Variants in SEL1L2 observed in about 807,000 individuals in gnomAD.
SEL1L2 encodes the protein protein sel-1 homolog 2.
In SEL1L2, 89 loss-of-function variants were observed where a neutral mutation model predicts 98.8. The observed-to-expected ratio is 0.90, with a 90% CI of 0.76 to 1.07. The LOEUF (loss-of-function observed/expected upper bound fraction) is 1.07, where lower values mean the gene tolerates loss of function less well. Ranked by LOEUF, SEL1L2 falls within the 50% of genes least tolerant of loss-of-function variation. The pLI is 0.00. For synonymous variants in SEL1L2, 262 were observed against 278.5 expected, an observed-to-expected ratio of 0.94 and a Z score of 0.59; for missense variants, 788 against 812.0, an observed-to-expected ratio of 0.97 and a Z score of 0.36.
At chr20:13,918,771 G>T (rs1281225843) in intron 4 of SEL1L2, among the ~76,000 whole-genome samples, 1 of 152,146 alleles carries the variant, frequency 6.6e-6, no homozygotes, top group Non-Finnish European at 1.5e-5. Context: ...TGAATGCTCA[G>T]GTCAGTGTCT....
chr20:13,984,480 C>T lies in SEL1L2; in HGVS notation c.58+5997G>A, dbSNP rs535914685. 3.3e-5 allele frequency among the ~76,000 whole-genome samples: 5 copies of T among 152,300 alleles called. No individual in the cohort carries two copies. The East Asian group carries it at 5.8e-4, about 18-fold the overall frequency. The stretch of plus-strand genomic sequence containing the variant: ...TTAGTACTCTCTCACCTTGGACTTC[C>T]GTGATAATCTCTTTAGCCTTGATAT... On this transcript the variant is annotated intron_variant, in intron 1 of 19. Coordinates refer to ENST00000284951, the MANE Select transcript of SEL1L2 (RefSeq NM_025229.2).
chr20:13,880,222 T>C (rs140581186), intron 10 of SEL1L2, among the ~76,000 whole-genome samples: 10 of 152,354 alleles, frequency 6.6e-5, no homozygotes, highest in African/African-American at 9.6e-5. Context: ...TTTAGTAATT[T>C]GGCTCTCAAA....
upstream of SEL1L2, among the ~76,000 whole-genome samples, chr20:13,992,269 T>G (rs979382722): frequency 1.9e-4 from 29 of 152,130 alleles, no homozygotes; most frequent in African/African-American, 7.0e-4. Flanking sequence ...TTTGGGAGGC[T>G]GAGGCAGGTG....
At chr20:13,866,378 C>T (rs553433639) in intron 15 of SEL1L2, among the ~76,000 whole-genome samples, 1 of 152,178 alleles carries the variant, frequency 6.6e-6, no homozygotes, top group Non-Finnish European at 1.5e-5. Flanking sequence ...AGTAGCAACT[C>T]CCAATCCCAC....
chr20:13,932,637 A>ACCG (rs1490073129), intron 2 of SEL1L2, among the ~76,000 whole-genome samples: 1 of 151,840 alleles, frequency 6.6e-6, no homozygotes, highest in Non-Finnish European at 1.5e-5. Flanking sequence ...CACCATGTTG[A>ACCG]CCAGGCTGTT....
intron 2 of SEL1L2, among the ~76,000 whole-genome samples, chr20:13,941,477 TG>T (rs1706614566): frequency 6.6e-6 from 1 of 152,200 alleles, no homozygotes; most frequent in East Asian, 1.9e-4. Flanking sequence ...TTTCAAGTGA[TG>T]AGTGGCACAG....
chr20:13,865,611 G>C lies in SEL1L2; in HGVS notation c.1405-97C>G, dbSNP rs1818815966. 1.4e-5 allele frequency: 15 copies of C among 1,070,578 alleles called. 1 individual carries two copies. In the South Asian group the frequency reaches 2.2e-4, roughly 16 times the overall value. The allele number at this position is 1,070,578 out of a possible 1,614,324, so 66.3% of individuals were successfully genotyped here. A position where few individuals can be genotyped will look rare whatever the true frequency, so the allele number is the denominator to read the frequency against. ...ATCAGTCTTCAGCTCCTACCAGCTG[G>C]TCAGGGAAGGATTTTAGGTCTAAAA... is the stretch of plus-strand genomic sequence containing the variant. On this transcript the variant is annotated intron_variant, in intron 15 of 19. Transcript: ENST00000284951.
At chr20:13,990,337 T>G (rs1569099080) in intron 1 of SEL1L2, 140 bp downstream of exon 1, 2 of 660,894 alleles carry the variant, frequency 3.0e-6, no homozygotes, top group Non-Finnish European at 5.4e-6. Flanking sequence ...ATTGGACATT[T>G]TAAAGTACCT....
At chr20:13,917,765 ACTTT>A (rs927982408) in intron 4 of SEL1L2, among the ~76,000 whole-genome samples, 13 of 110,424 alleles carry the variant, frequency 1.2e-4, no homozygotes, top group Admixed American at 9.0e-4. Flanking sequence ...CAGGGCCCAT[ACTTT>A]CTTTATTTCT....
At chr20:13,950,326 T>A (rs1476096280) in intron 2 of SEL1L2, among the ~76,000 whole-genome samples, 1 of 152,200 alleles carries the variant, frequency 6.6e-6, no homozygotes, top group East Asian at 1.9e-4. Context: ...AAATTTTATG[T>A]TATGTATATT....
chr20:13,915,216 G>C, intron 4 of SEL1L2: 6 of 1,289,452 alleles, frequency 4.7e-6, no homozygotes, highest in Non-Finnish European at 6.1e-6. Flanking sequence ...CTCAGACAGA[G>C]AAACATCCAG....
At chr20:13,933,188 ACTC>A in intron 2 of SEL1L2, among the ~76,000 whole-genome samples, 1 of 152,166 alleles carries the variant, frequency 6.6e-6, no homozygotes, top group Non-Finnish European at 1.5e-5. Flanking sequence ...CAGCCAGCGT[ACTC>A]CAGAGTGACT....
At chr20:13,965,242 C>T (rs931094621) in intron 1 of SEL1L2, among the ~76,000 whole-genome samples, 4 of 152,168 alleles carry the variant, frequency 2.6e-5, no homozygotes, top group East Asian at 1.9e-4. Flanking sequence ...AGAGAAGACA[C>T]TCATTCAGGC....
intron 1 of SEL1L2, among the ~76,000 whole-genome samples, chr20:13,973,159 T>C (rs2051362830): frequency 6.6e-6 from 1 of 152,250 alleles, no homozygotes; most frequent in Non-Finnish European, 1.5e-5. Context: ...ATTTTGCTAT[T>C]CAGCCTTAAG....
intron 18 of SEL1L2, among the ~76,000 whole-genome samples, chr20:13,854,219 TG>T (rs1988773812): frequency 6.6e-6 from 1 of 152,238 alleles, no homozygotes; most frequent in Non-Finnish European, 1.5e-5. Context: ...TTGTTTTCTC[TG>T]CAGAATCCAA....
chr20:13,854,321 C>T (rs767624003), intron 18 of SEL1L2, among the ~76,000 whole-genome samples: 44 of 152,176 alleles, frequency 2.9e-4, no homozygotes, highest in Non-Finnish European at 5.3e-4. Flanking sequence ...TACTTTAGAA[C>T]AGCTTTCCTA....
intron 5 of SEL1L2, among the ~76,000 whole-genome samples, chr20:13,889,593 C>G (rs2047114934): frequency 6.6e-6 from 1 of 151,988 alleles, no homozygotes; most frequent in Admixed American, 6.6e-5. Flanking sequence ...AGATCGAGAC[C>G]ATCCTGGCTA....
intron 5 of SEL1L2, among the ~76,000 whole-genome samples, chr20:13,907,265 C>A (rs1327593028): frequency 6.6e-6 from 1 of 151,774 alleles, no homozygotes; most frequent in Non-Finnish European, 1.5e-5. Context: ...GGAAAAAAAA[C>A]CAGAAAAGCA....
At chr20:13,900,585 C>A (rs552573511) in intron 5 of SEL1L2, among the ~76,000 whole-genome samples, 1 of 152,160 alleles carries the variant, frequency 6.6e-6, no homozygotes, top group Non-Finnish European at 1.5e-5. Flanking sequence ...CTTAAAAACC[C>A]GGCCCAGGGA....
Sources: gnomAD v4.1 joint callset for allele counts (sites outside exome capture counted in the v4.1 genomes callset) on GRCh38, gnomAD v4.1.1 for gene constraint, MANE v1.5 for transcripts, NCBI Gene and HGNC (gene_info 2026-07-23, HGNC 2026-07-21) for gene names.